MYO1D: variants seen among roughly 807,000 people sequenced by gnomAD.
The protein encoded by MYO1D is unconventional myosin-Id.
A neutral mutation model predicts 122.0 loss-of-function variants in MYO1D; 83 were observed. That is an observed-to-expected ratio of 0.68 (90% CI 0.57 to 0.82). The LOEUF (loss-of-function observed/expected upper bound fraction) is 0.82, where lower values mean the gene tolerates loss of function less well. Among genes scored for constraint, MYO1D ranks in the 40% least tolerant of loss-of-function variants. The probability of loss-of-function intolerance (pLI) is 0.00; values close to 1 mark genes in which losing one functional copy is unlikely to be tolerated. For synonymous variants in MYO1D, 464 were observed against 446.9 expected (o/e 1.04, Z -0.48); for missense variants, 1,157 against 1,269.5 (o/e 0.91, Z 1.35).
At chr17:32,554,886 C>T (rs901753042) in intron 21 of MYO1D, among the ~76,000 whole-genome samples, 1 of 152,122 alleles carries the variant, frequency 6.6e-6, no homozygotes, top group Non-Finnish European at 1.5e-5. Context: ...CCAATTAAAT[C>T]TAGTGCAAAG....
At chr17:32,793,908 C>T (rs2090385656) in intron 1 of MYO1D, among the ~76,000 whole-genome samples, 1 of 152,200 alleles carries the variant, frequency 6.6e-6, no homozygotes, top group African/African-American at 2.4e-5. Flanking sequence ...GTGCTCAGCA[C>T]ACTAATTAGT....
Position 32,780,712 on chromosome 17 carries a change from G to C in MYO1D, c.168C>G (p.Asn56Lys), listed in dbSNP as rs1405295606. 1.9e-6 allele frequency: 3 copies of C among 1,613,976 alleles called. No individual in the cohort carries two copies. The African/African-American group carries it at 4.0e-5, about 22-fold the overall frequency. ...GCTCAATTGTGTCTCTTCCATAGAT[G>C]TTCAACAACTTGTAAGGGTTCACAG... ...VVSVNPYKLL[N>K]IYGRDTIEQY... is the part of the protein sequence containing the mutation. The change falls in exon 2 of 22, where the codon AAC (asparagine) becomes AAG (lysine). Residue 56 changes from asparagine (N) to lysine (K), a missense_variant. By Grantham distance (94) the Asn-to-Lys change is moderately conservative. Transcript: ENST00000318217.
In MYO1D at chr17:32,876,950, G is replaced by T. The variant is rs1413702339; in HGVS notation, c.-78C>A. The T allele has an allele frequency of 1.4e-4, 123 of 878,254 alleles. No homozygotes were observed. Among genetic ancestry groups the T allele is most frequent in the Middle Eastern group, 9.5e-4 (3 of 3,174 alleles). The allele number at this position is 878,254 out of a possible 1,614,324, so 54.4% of individuals were successfully genotyped here. ...GTGGGCCCGCGATGAGCTCGGGAGG[G>T]GCCGGGGCGAGGCCGCGCCGCGAGG... On this transcript the variant is annotated 5_prime_UTR_variant, in exon 1 of 22. Transcript: ENST00000318217.
chr17:32,842,040 T>C lies in MYO1D; in HGVS notation c.95+34738A>G, dbSNP rs185238245. On this transcript the variant is annotated intron_variant, in intron 1 of 21. Coordinates refer to ENST00000318217, the MANE Select transcript of MYO1D (RefSeq NM_015194.3). ...TGAGATTAGCAATTATACATTTATT[T>C]GTACCCATCTGTGCAGTAGTAGTAT... 2.4e-3 allele frequency among the ~76,000 whole-genome samples: 370 copies of C among 152,320 alleles called. 3 individuals carry two copies. The highest frequency in any genetic ancestry group is 8.6e-3 in the African/African-American group (357 of 41,586).
chr17:32,683,243 T>C (rs1455686184), intron 16 of MYO1D, among the ~76,000 whole-genome samples: 2 of 152,136 alleles, frequency 1.3e-5, no homozygotes, highest in East Asian at 1.9e-4. Flanking sequence ...CCTTCTTCTC[T>C]CAGCTCGTCA....
chr17:32,603,216 C>G (rs1004829557), intron 21 of MYO1D, among the ~76,000 whole-genome samples: 2 of 152,218 alleles, frequency 1.3e-5, no homozygotes, highest in East Asian at 3.9e-4. Flanking sequence ...CATATGCTAG[C>G]TAGGAAAAGA....
chr17:32,494,533 G>A lies in MYO1D; in HGVS notation c.*226C>T, dbSNP rs555154369. ...TGGACGTCAGCCCAGGGGTCTGGGC[G>A]GGGCACCAGGGTCTTTGGCTTATTG... On this transcript the variant is annotated 3_prime_UTR_variant, in exon 22 of 22. Coordinates refer to ENST00000318217, the MANE Select transcript of MYO1D (RefSeq NM_015194.3). 4.4e-4 allele frequency: 255 copies of A among 584,500 alleles called. 3 individuals carry two copies. In the East Asian group the frequency reaches 5.9e-3, roughly 14 times the overall value. 36.2% of individuals were successfully genotyped at this position (584,500 alleles called of 1,614,324 possible).
At chr17:32,818,518 G>C (rs1236925563) in intron 1 of MYO1D, among the ~76,000 whole-genome samples, 2 of 152,216 alleles carry the variant, frequency 1.3e-5, no homozygotes, top group Non-Finnish European at 2.9e-5. Context: ...GGGCTTGCAA[G>C]TTCCCATTCT....
chr17:32,544,864 A>G (rs750867022), intron 21 of MYO1D, among the ~76,000 whole-genome samples: 5 of 152,208 alleles, frequency 3.3e-5, no homozygotes, highest in Non-Finnish European at 5.9e-5. Context: ...TAATATATAT[A>G]TGGCCAAATT....
Position 32,774,910 on chromosome 17 carries a change from C to T in MYO1D, c.564+954G>A, listed in dbSNP as rs141909617. On this transcript the variant is annotated intron_variant, in intron 4 of 21. Coordinates refer to ENST00000318217, the MANE Select transcript of MYO1D (RefSeq NM_015194.3). ...CTGTCGGCTTAGATCTGTATGAATT[C>T]AAGGTGGAGACTTGATTTTATAAAG... Among the ~76,000 whole-genome samples the T allele has an allele frequency of 2.9e-3, 445 of 152,284 alleles. 4 individuals carry two copies. The highest frequency in any genetic ancestry group is 0.01 in the African/African-American group (426 of 41,558).
chr17:32,557,275 C>T (rs781491986), intron 21 of MYO1D, among the ~76,000 whole-genome samples: 9 of 151,928 alleles, frequency 5.9e-5, no homozygotes, highest in South Asian at 2.1e-4. Flanking sequence ...CCCGCTACCA[C>T]GCCCGGCTAA....
intron 21 of MYO1D, among the ~76,000 whole-genome samples, chr17:32,501,732 C>G (rs1213743899): frequency 1.3e-5 from 2 of 152,218 alleles, no homozygotes; most frequent in African/African-American, 4.8e-5. Flanking sequence ...CACACCTTGC[C>G]CTGTCTGTCT....
At position 32,685,892 on chromosome 17, in the gene MYO1D, C is replaced by A. The variant is rs887780877; in HGVS notation, c.2121+26096G>T. 2.6e-5 allele frequency among the ~76,000 whole-genome samples: 4 copies of A among 152,314 alleles called. 1 individual carries two copies. Among genetic ancestry groups the A allele is most frequent in the African/African-American group, 4.8e-5 (2 of 41,572 alleles). The stretch of plus-strand genomic sequence containing the variant: ...TCCATGGGTTATCCCATTGATATGA[C>A]CTGCTTTGGCCAATGCGATATAAAT... On this transcript the variant is annotated intron_variant, in intron 16 of 21. Transcript: ENST00000318217.
chr17:32,767,790 TC>T (rs1261179287), intron 6 of MYO1D, 38 bp from the exon 7 acceptor site: 1 of 1,403,054 alleles, frequency 7.1e-7, no homozygotes, highest in African/African-American at 1.4e-5. Context: ...TACAGATATT[TC>T]CTATGAGCAT....
Position 32,547,498 on chromosome 17 carries a change from G to T in MYO1D, c.2865-52583C>A, listed in dbSNP as rs550923851. Among the ~76,000 whole-genome samples the T allele has an allele frequency of 4.6e-5, 7 of 152,330 alleles. No individual in the cohort carries two copies. The South Asian group carries it at 1.4e-3, about 32-fold the overall frequency. ...GTCATTAACATGTCACACTTCATGT[G>T]TCCATAGGCATAAAGGTGACTTCTG... On this transcript the variant is annotated intron_variant, in intron 21 of 21. Transcript: ENST00000318217.
At chr17:32,825,628 C>A (rs966695213) in intron 1 of MYO1D, among the ~76,000 whole-genome samples, 1 of 152,114 alleles carries the variant, frequency 6.6e-6, no homozygotes, top group Non-Finnish European at 1.5e-5. Context: ...TGCTCATATG[C>A]GCAGAGTTTT....
At position 32,605,242 on chromosome 17, in the gene MYO1D, C is replaced by A; in HGVS notation, c.2710-1G>T. The A allele has an allele frequency of 6.5e-7, 1 of 1,541,360 alleles. No individual in the cohort carries two copies. The highest frequency in any genetic ancestry group is 8.8e-7 in the Non-Finnish European group (1 of 1,132,412). On this transcript the variant is annotated splice_acceptor_variant, in intron 20 of 21. Transcript: ENST00000318217. LOFTEE classifies it high-confidence loss of function. Reference sequence around the variant, plus strand: ...CATTGGAGACACTCAGACCAGTCAACTGCAAAGAGAAAATGCATGGAAAAC... The same window carrying A: ...CATTGGAGACACTCAGACCAGTCAAATGCAAAGAGAAAATGCATGGAAAAC...
chr17:32,829,131 T>C (rs2090749845), intron 1 of MYO1D, among the ~76,000 whole-genome samples: 1 of 152,142 alleles, frequency 6.6e-6, no homozygotes, highest in Non-Finnish European at 1.5e-5. Flanking sequence ...TAAGATGAAA[T>C]CTTGAAATAG....
intron 1 of MYO1D, among the ~76,000 whole-genome samples, chr17:32,864,137 A>C (rs1187466326): frequency 6.7e-6 from 1 of 148,572 alleles, no homozygotes; most frequent in Non-Finnish European, 1.5e-5. Context: ...TTTTTTCCCA[A>C]ATGACATATT....
Sources: gnomAD v4.1 joint callset for allele counts (sites outside exome capture counted in the v4.1 genomes callset) on GRCh38, gnomAD v4.1.1 for gene constraint, MANE v1.5 for transcripts, NCBI Gene and HGNC (gene_info 2026-07-23, HGNC 2026-07-21) for gene names.